Variants in VNN2 observed in about 807,000 individuals in gnomAD.
VNN2 encodes the protein pantetheine hydrolase VNN2.
VNN2 carries 43 observed loss-of-function variants against 43.0 expected under a neutral mutation model. The observed-to-expected ratio is 1.00, with a 90% CI of 0.78 to 1.29. The LOEUF is 1.29. Among genes scored for constraint, VNN2 ranks in the 50% most tolerant of loss-of-function variants. The pLI, the probability that VNN2 is intolerant of heterozygous loss-of-function variation, is 0.00. For missense variants in VNN2, 652 were observed against 619.7 expected (o/e 1.05, Z -0.55); for synonymous variants, 230 against 224.3 (o/e 1.03, Z -0.23).
chr6:132,755,444 G>A (rs758093900), intron 3 of VNN2, among the ~76,000 whole-genome samples: 6 of 142,804 alleles, frequency 4.2e-5, no homozygotes, highest in African/African-American at 5.3e-5. Flanking sequence ...ACACAATCTC[G>A]GCTCACTGCA....
chr6:132,752,780 A>G (rs1226607504), intron 3 of VNN2, 31 bp from the exon 4 acceptor site: 34 of 1,580,212 alleles, frequency 2.2e-5, no homozygotes, highest in Non-Finnish European at 2.9e-5. Flanking sequence ...AAAACCAGTA[A>G]AACCTTATTT....
At chr6:132,754,858 C>A (rs2300079) in intron 3 of VNN2, among the ~76,000 whole-genome samples, 54,457 of 152,056 alleles carry the variant, frequency 0.36, 10,061 homozygotes, top group Middle Eastern at 0.48. Context: ...AAACATCTTT[C>A]TACCATTTCA....
At chr6:132,752,816 C>A in intron 3 of VNN2, 67 bp from the exon 4 acceptor site, 1 of 1,523,926 alleles carries the variant, frequency 6.6e-7, no homozygotes, top group Non-Finnish European at 8.8e-7. Context: ...CATAAAAACC[C>A]TCTAAGTTGG....
upstream of VNN2, among the ~76,000 whole-genome samples, chr6:132,758,630 CACTT>C (rs1780643765): frequency 1.3e-5 from 2 of 152,098 alleles, no homozygotes; most frequent in African/African-American, 2.4e-5. Flanking sequence ...TCTGTTGAGT[CACTT>C]ACATTGTGTT....
At chr6:132,750,556 C>G (rs1780004638) in intron 5 of VNN2, among the ~76,000 whole-genome samples, 1 of 127,036 alleles carries the variant, frequency 7.9e-6, no homozygotes, top group African/African-American at 2.9e-5. Context: ...CCCAGCTACT[C>G]AGGAGGCTGA....
At chr6:132,759,438 C>CAAAA (rs58195059), upstream of VNN2, among the ~76,000 whole-genome samples, 211 of 69,114 alleles carry the variant, frequency 3.1e-3, 8 homozygotes, top group African/African-American at 8.6e-3. Flanking sequence ...AACTCCGTCT[C>CAAAA]AAAAAAAAAA....
chr6:132,751,042 G>C, intron 5 of VNN2, 103 bp downstream of exon 5: 1 of 1,422,104 alleles, frequency 7.0e-7, no homozygotes, highest in South Asian at 1.4e-5. Flanking sequence ...TCAATGCATG[G>C]AGTCAAGCCA....
At chr6:132,749,625 G>A (rs1392146955) in intron 6 of VNN2, 70 bp downstream of exon 6, 2 of 1,404,886 alleles carry the variant, frequency 1.4e-6, no homozygotes, top group Admixed American at 2.1e-5. Flanking sequence ...CTGGCAGAGT[G>A]GCTATAGCTT....
intron 3 of VNN2, 135 bp from the exon 4 acceptor site, chr6:132,752,884 C>A (rs1028035751): frequency 1.1e-6 from 1 of 914,784 alleles, no homozygotes; most frequent in African/African-American, 1.7e-5. Flanking sequence ...ATAAATCTGG[C>A]AATTGGAAGT....
intron 4 of VNN2, among the ~76,000 whole-genome samples, chr6:132,752,205 A>G (rs924580984): frequency 1.3e-5 from 2 of 152,168 alleles, no homozygotes; most frequent in African/African-American, 4.8e-5. Context: ...CTGTATGTCA[A>G]TTTTCTCATC....
chr6:132,747,950 A>C (rs1470534721), intron 6 of VNN2, among the ~76,000 whole-genome samples: 2 of 152,182 alleles, frequency 1.3e-5, no homozygotes, highest in African/African-American at 4.8e-5. Context: ...CCATGGATGA[A>C]GTAGTTTCAT....
At position 132,756,022 on chromosome 6, in the gene VNN2, G is replaced by C. The variant is rs772010574; in HGVS notation, c.358C>G (p.Pro120Ala). 11 of 1,601,088 alleles carry C rather than the reference G, an allele frequency of 6.9e-6. No homozygotes were observed. In the South Asian group the frequency reaches 1.2e-4, roughly 18 times the overall value. The change falls in exon 3 of 7, where the codon CCA becomes GCA. Residue 120 changes from proline to alanine, a missense_variant. Transcript: ENST00000326499. ...CQDPHRFGHTPVQARLSCLAK... is the reference protein window; with the variant it reads ...CQDPHRFGHTAVQARLSCLAK... ...AGGCAGCTGAGTCTTGCTTGTACTGGTGTGTGACCAAATCTAAACCAAATT... is the reference window on the plus strand; with the variant it reads ...AGGCAGCTGAGTCTTGCTTGTACTGCTGTGTGACCAAATCTAAACCAAATT...
chr6:132,751,714 G>C (rs1780118021), intron 4 of VNN2, among the ~76,000 whole-genome samples, 196 bp from the exon 5 acceptor site: 1 of 151,938 alleles, frequency 6.6e-6, no homozygotes, highest in Non-Finnish European at 1.5e-5. Context: ...AACATTCCTT[G>C]GTCTCATTTC....
At chr6:132,753,339 A>G in intron 3 of VNN2, 1 of 348,590 alleles carries the variant, frequency 2.9e-6, no homozygotes. Flanking sequence ...AAGCTTCTTA[A>G]AAGTTAAAAA....
Position 132,751,267 on chromosome 6 carries a change from CTG to C in VNN2, c.1076_1077del (p.Thr359SerfsTer21), listed in dbSNP as rs1164795713. The C allele has an allele frequency of 6.2e-7, 1 of 1,614,172 alleles. No individual in the cohort carries two copies. The highest frequency in any genetic ancestry group is 1.1e-5 in the South Asian group (1 of 91,088). On this transcript the variant is annotated frameshift_variant, in exon 5 of 7. Transcript: ENST00000326499. LOFTEE classifies it high-confidence loss of function. ...TGACAGCAAAGCTCCTTTTGACAGACTGTAAGGTTTCCTGCATTTTCAAAAAG... is the reference window on the plus strand; with the variant it reads ...TGACAGCAAAGCTCCTTTTGACAGACTAAGGTTTCCTGCATTTTCAAAAAG... ...TELFENAGNL[T>X]VCQKELCCHL...
upstream of VNN2, among the ~76,000 whole-genome samples, chr6:132,762,772 T>C (rs536004038): frequency 6.6e-6 from 1 of 152,218 alleles, no homozygotes; most frequent in African/African-American, 2.4e-5. Context: ...CACTGCTAGA[T>C]GGAAATGCTT....
At chr6:132,754,998 ACT>A (rs1780366445) in intron 3 of VNN2, among the ~76,000 whole-genome samples, 2 of 152,012 alleles carry the variant, frequency 1.3e-5, no homozygotes, top group South Asian at 2.1e-4. Context: ...ATGTAGTGAG[ACT>A]CTGTTTCCAA....
chr6:132,762,466 C>G (rs1220270110), upstream of VNN2, among the ~76,000 whole-genome samples: 5 of 152,164 alleles, frequency 3.3e-5, no homozygotes, highest in Non-Finnish European at 7.3e-5. Flanking sequence ...AAGTACAATA[C>G]TGTATCCAAA....
At chr6:132,747,078 A>G (rs970520028) in intron 6 of VNN2, among the ~76,000 whole-genome samples, 13 of 152,166 alleles carry the variant, frequency 8.5e-5, no homozygotes, top group African/African-American at 3.1e-4. Flanking sequence ...TGGAGCAGGT[A>G]AGACAAGATC....
Sources: gnomAD v4.1 joint callset for allele counts (sites outside exome capture counted in the v4.1 genomes callset) on GRCh38, gnomAD v4.1.1 for gene constraint, MANE v1.5 for transcripts, NCBI Gene and HGNC (gene_info 2026-07-23, HGNC 2026-07-21) for gene names.